HERC2: variants seen among roughly 807,000 people sequenced by gnomAD.
The protein encoded by HERC2 is HECT and RLD domain containing E3 ubiquitin protein ligase 2, also known as E3 ubiquitin-protein ligase HERC2.
A neutral mutation model predicts 537.7 loss-of-function variants in HERC2; 102 were observed. The observed-to-expected ratio is 0.19, with a 90% CI of 0.16 to 0.22. The LOEUF (loss-of-function observed/expected upper bound fraction) is 0.22, where lower values mean the gene tolerates loss of function less well. Ranked by LOEUF, HERC2 falls within the 10% of genes least tolerant of loss-of-function variation. The pLI is 1.00. For missense variants in HERC2, 4,236 were observed against 6,198.2 expected (o/e 0.68, Z 10.63); for synonymous variants, 2,224 against 2,466.2 (o/e 0.90, Z 2.91).
intron 2 of HERC2, among the ~76,000 whole-genome samples, chr15:28,311,461 A>G (rs1240561120): frequency 2.6e-5 from 4 of 151,888 alleles, no homozygotes; most frequent in African/African-American, 9.7e-5. Context: ...TGAGACCCTG[A>G]CTTAAAAAAC....
At chr15:28,248,119 C>G (rs1278972966) in intron 21 of HERC2, among the ~76,000 whole-genome samples, 1 of 152,176 alleles carries the variant, frequency 6.6e-6, no homozygotes, top group Non-Finnish European at 1.5e-5. Context: ...GGTCTAATGT[C>G]TAAACTATTA....
intron 2 of HERC2, among the ~76,000 whole-genome samples, chr15:28,308,227 T>C (rs2076845910): frequency 6.6e-6 from 1 of 152,224 alleles, no homozygotes; most frequent in Non-Finnish European, 1.5e-5. Context: ...TTTAATGTCT[T>C]TCATCAGCGT....
Position 28,220,660 on chromosome 15 carries a change from T to A in HERC2, c.5653-16A>T, listed in dbSNP as rs751008760. On this transcript the variant is annotated splice_polypyrimidine_tract_variant and intron_variant, in intron 36 of 92. Coordinates refer to ENST00000261609, the MANE Select transcript of HERC2 (RefSeq NM_004667.6). Reference sequence around the variant, plus strand: ...GAGGCCCATCCTGAGAAAGCCAAAGTAGAGATCAGTTAGGAGGGTGCGTAA... The same window carrying A: ...GAGGCCCATCCTGAGAAAGCCAAAGAAGAGATCAGTTAGGAGGGTGCGTAA... 4 of 1,601,920 alleles carry A rather than the reference T, an allele frequency of 2.5e-6. No individual in the cohort carries two copies. The African/African-American group carries it at 5.3e-5, about 21-fold the overall frequency.
intron 35 of HERC2, 150 bp downstream of exon 35, chr15:28,228,068 A>C (rs1375312357): frequency 2.7e-5 from 19 of 708,352 alleles, no homozygotes; most frequent in Non-Finnish European, 4.2e-5. Context: ...GATACCGCTG[A>C]ATTGTGACGT....
At chr15:28,225,387 C>T (rs1375099697) in intron 35 of HERC2, among the ~76,000 whole-genome samples, 1 of 151,522 alleles carries the variant, frequency 6.6e-6, no homozygotes. Flanking sequence ...AAAAATCTGA[C>T]AAATTTTTGG....
chr15:28,147,984 T>C (rs1891938973), intron 70 of HERC2, among the ~76,000 whole-genome samples: 1 of 147,062 alleles, frequency 6.8e-6, no homozygotes, highest in Non-Finnish European at 1.5e-5. Flanking sequence ...CTGCAGTGAG[T>C]CAGAATCACA....
At chr15:28,228,592 A>T (rs1901495232) in intron 34 of HERC2, among the ~76,000 whole-genome samples, 183 bp from the exon 35 acceptor site, 1 of 152,198 alleles carries the variant, frequency 6.6e-6, no homozygotes. Context: ...ACATCTGACT[A>T]ATAAGCATTG....
At chr15:28,318,119 C>G (rs2077137474) in intron 2 of HERC2, among the ~76,000 whole-genome samples, 1 of 152,112 alleles carries the variant, frequency 6.6e-6, no homozygotes, top group Admixed American at 6.6e-5. Flanking sequence ...GAATAAAAAG[C>G]TTTTAAGGTA....
rs146969415 is a variant in HERC2 at position 28,212,503 on chromosome 15, G to A, written c.6867C>T (p.Leu2289=). The change falls in exon 43 of 93, where the codon CTC becomes CTT. Residue 2289 remains leucine, a synonymous_variant. Transcript: ENST00000261609. ...MLSVWAQLVN[L]AGSKLEKHKI... The stretch of plus-strand genomic sequence containing the variant: ...TGTGCTTTTCTAACTTGCTTCCAGC[G>A]AGGTTCACCAACTGAGCCCAGACAG... 7 of 1,586,154 alleles carry A rather than the reference G, an allele frequency of 4.4e-6. No individual in the cohort carries two copies. Among genetic ancestry groups the A allele is most frequent in the Admixed American group, 3.3e-5 (2 of 59,978 alleles).
In HERC2 at chr15:28,199,835, A is replaced by G. The variant is rs775742402; in HGVS notation, c.7717-1066T>C. 5.9e-5 allele frequency among the ~76,000 whole-genome samples: 9 copies of G among 152,304 alleles called. No homozygotes were observed. The East Asian group carries it at 9.6e-4, about 16-fold the overall frequency. ...TATTGTATTGGAGAAACAGGGAGAG[A>G]GGAAGATGTTAGCCACAAGGAAGCC... is the stretch of plus-strand genomic sequence containing the variant. On this transcript the variant is annotated intron_variant, in intron 48 of 92. Coordinates refer to ENST00000261609, the MANE Select transcript of HERC2 (RefSeq NM_004667.6).
intron 59 of HERC2, among the ~76,000 whole-genome samples, chr15:28,178,302 G>A (rs1247655493): frequency 6.6e-6 from 1 of 152,206 alleles, no homozygotes; most frequent in Non-Finnish European, 1.5e-5. Context: ...CTGGGGGCGA[G>A]AGCTAGTCTA....
At chr15:28,306,761 G>A (rs189732283) in intron 2 of HERC2, among the ~76,000 whole-genome samples, 1 of 152,288 alleles carries the variant, frequency 6.6e-6, no homozygotes, top group East Asian at 1.9e-4. Flanking sequence ...ACCTGTTATT[G>A]GTATGTTCAG....
chr15:28,175,772 C>T, intron 63 of HERC2, 116 bp from the exon 64 acceptor site: 2 of 949,574 alleles, frequency 2.1e-6, no homozygotes, highest in Admixed American at 4.5e-5. Flanking sequence ...TCACACACAG[C>T]ACCCAAGGTC....
intron 65 of HERC2, among the ~76,000 whole-genome samples, chr15:28,171,203 A>C (rs75878335): frequency 9.9e-5 from 15 of 152,238 alleles, no homozygotes; most frequent in Non-Finnish European, 2.9e-5. Context: ...TGGCAGTTTT[A>C]TTTGTAATAG....
chr15:28,320,512 T>G (rs1194311269), intron 2 of HERC2: 7 of 152,010 alleles, frequency 4.6e-5, no homozygotes, highest in African/African-American at 1.4e-4. Context: ...AACACTTCAG[T>G]GTAAGTATCC....
At chr15:28,149,853 G>A (rs1051781230) in intron 70 of HERC2, among the ~76,000 whole-genome samples, 1 of 150,044 alleles carries the variant, frequency 6.7e-6, no homozygotes, top group Non-Finnish European at 1.5e-5. Context: ...CCACACGAAC[G>A]CACATTCTAG....
At position 28,218,639 on chromosome 15, in the gene HERC2, T is replaced by C. The variant is rs1300808716; in HGVS notation, c.5878A>G (p.Thr1960Ala). 1 of 1,585,930 alleles carries C rather than the reference T, an allele frequency of 6.3e-7. No homozygotes were observed. Among genetic ancestry groups the C allele is most frequent in the Non-Finnish European group, 8.6e-7 (1 of 1,168,692 alleles). Residue 1960 changes from threonine to alanine, a missense_variant, in exon 38 of 93, where the codon ACT becomes GCT. Around this residue, in one of 27 missense-constraint regions of HERC2, gnomAD observed 365 missense variants for 468.8 expected, o/e 0.78. Transcript: ENST00000261609. ...ATAGTGCTGGTAAACATCATTGCAG[T>C]GGGGTGAATGTTCCTTTCAGTTTGT... The part of the protein sequence containing the change: ...AEQTERNIHP[T>A]AMMFTSTINL...
chr15:28,240,335 A>G (rs527910284), intron 23 of HERC2, among the ~76,000 whole-genome samples: 43 of 152,300 alleles, frequency 2.8e-4, no homozygotes, highest in Non-Finnish European at 4.3e-4. Flanking sequence ...GGAGAATGGC[A>G]TGAACCTGGG....
chr15:28,228,463 G>A (rs1018874352), intron 34 of HERC2, 54 bp from the exon 35 acceptor site: 30 of 1,538,966 alleles, frequency 1.9e-5, no homozygotes, highest in East Asian at 6.7e-5. Flanking sequence ...AAGAATAAAC[G>A]TAACGCAGAA....
Sources: gnomAD v4.1 joint callset for allele counts (sites outside exome capture counted in the v4.1 genomes callset) on GRCh38, gnomAD v4.1.1 for gene constraint, gnomAD v4.1.1 regional missense constraint, MANE v1.5 for transcripts, NCBI Gene and HGNC (gene_info 2026-07-23, HGNC 2026-07-21) for gene names.